Variants in BABAM2 observed in about 807,000 individuals in gnomAD.
The protein encoded by BABAM2 is BRISC and BRCA1-A complex member 2.
A neutral mutation model predicts 54.7 loss-of-function variants in BABAM2; 31 were observed. The ratio of observed to expected loss-of-function variants is 0.57; its 90% CI spans 0.43 to 0.77. BABAM2 has a LOEUF of 0.77. Among genes scored for constraint, BABAM2 ranks in the 30% least tolerant of loss-of-function variants. The pLI, the probability that BABAM2 is intolerant of heterozygous loss-of-function variation, is 0.00. For missense variants in BABAM2, 364 were observed against 455.8 expected (o/e 0.80, Z 1.83); for synonymous variants, 167 against 162.9 (o/e 1.03, Z -0.19).
At chr2:27,983,230 T>C (rs942645504) in intron 3 of BABAM2, among the ~76,000 whole-genome samples, 2 of 151,976 alleles carry the variant, frequency 1.3e-5, no homozygotes, top group Non-Finnish European at 2.9e-5. Flanking sequence ...GAAAATACTT[T>C]TTTGCCCCAT....
At chr2:28,206,953 T>C (rs1484203471) in intron 7 of BABAM2, among the ~76,000 whole-genome samples, 2 of 152,238 alleles carry the variant, frequency 1.3e-5, no homozygotes, top group Non-Finnish European at 2.9e-5. Flanking sequence ...CTTTGAGTGC[T>C]GGCTGTGTGC....
At chr2:28,056,055 T>C (rs10189562) in intron 6 of BABAM2, among the ~76,000 whole-genome samples, 150,343 of 152,246 alleles carry the variant, frequency 0.99, 74,249 homozygotes, top group East Asian at 1. Flanking sequence ...CAAATATATG[T>C]GGAGAACAAT....
At chr2:27,945,386 C>T (rs1264698698) in intron 3 of BABAM2, among the ~76,000 whole-genome samples, 1 of 152,020 alleles carries the variant, frequency 6.6e-6, no homozygotes, top group Non-Finnish European at 1.5e-5. Flanking sequence ...GGGTCTATTT[C>T]TGGACTTTAT....
At chr2:28,220,383 A>G (rs908568814) in intron 7 of BABAM2, among the ~76,000 whole-genome samples, 7 of 152,202 alleles carry the variant, frequency 4.6e-5, no homozygotes, top group Admixed American at 6.5e-5. Context: ...CTCATGGAAA[A>G]TGTTCATTAT....
chr2:28,171,943 A>C (rs905808586), intron 7 of BABAM2, among the ~76,000 whole-genome samples: 1 of 152,214 alleles, frequency 6.6e-6, no homozygotes, highest in Non-Finnish European at 1.5e-5. Context: ...TTTTAGAACA[A>C]AGGACTTTCT....
At chr2:28,127,845 T>C (rs7575982) in intron 6 of BABAM2, among the ~76,000 whole-genome samples, 145,852 of 148,460 alleles carry the variant, frequency 0.98, 71,694 homozygotes, top group Middle Eastern at 1. Flanking sequence ...CTCGCTCTGT[T>C]GCCCAGGCTG....
At chr2:27,997,233 C>G (rs1228096768) in intron 4 of BABAM2, among the ~76,000 whole-genome samples, 2 of 152,018 alleles carry the variant, frequency 1.3e-5, no homozygotes, top group Non-Finnish European at 2.9e-5. Flanking sequence ...AGAAATAAAG[C>G]ATTGTTAACA....
intron 7 of BABAM2, among the ~76,000 whole-genome samples, chr2:28,206,788 T>C (rs1183873934): frequency 6.6e-6 from 1 of 152,208 alleles, no homozygotes; most frequent in East Asian, 1.9e-4. Flanking sequence ...CTACGAACGC[T>C]GTGTGATTTT....
chr2:28,331,789 T>A (rs1439760462), intron 11 of BABAM2, among the ~76,000 whole-genome samples: 1 of 152,156 alleles, frequency 6.6e-6, no homozygotes, highest in Admixed American at 6.5e-5. Context: ...ACCAGAAATA[T>A]CATTTGACCC....
intron 7 of BABAM2, among the ~76,000 whole-genome samples, chr2:28,224,633 G>A (rs1276420369): frequency 6.6e-6 from 1 of 152,040 alleles, no homozygotes; most frequent in Non-Finnish European, 1.5e-5. Context: ...AAAACTGAAC[G>A]TTTGGCCCAT....
chr2:28,136,426 G>GC (rs1223861123), intron 7 of BABAM2, among the ~76,000 whole-genome samples: 2 of 152,358 alleles, frequency 1.3e-5, no homozygotes, highest in Non-Finnish European at 2.9e-5. Flanking sequence ...GGCCAGGCTG[G>GC]CCCTAGCCAG....
At chr2:28,268,394 A>G (rs1030018356) in intron 10 of BABAM2, among the ~76,000 whole-genome samples, 3 of 152,162 alleles carry the variant, frequency 2.0e-5, no homozygotes, top group African/African-American at 4.8e-5. Flanking sequence ...AGAGAGAGGG[A>G]TGGCAAGGTC....
chr2:28,012,114 T>A (rs1241905492), intron 4 of BABAM2, among the ~76,000 whole-genome samples: 6 of 152,178 alleles, frequency 3.9e-5, no homozygotes, highest in African/African-American at 1.4e-4. Flanking sequence ...ACACATTAAC[T>A]TAAAATAAGC....
At chr2:28,319,186 G>A (rs1689814197) in intron 11 of BABAM2, among the ~76,000 whole-genome samples, 1 of 152,230 alleles carries the variant, frequency 6.6e-6, no homozygotes, top group Non-Finnish European at 1.5e-5. Flanking sequence ...CCATGTTAGT[G>A]CACCAGATGT....
intron 11 of BABAM2, among the ~76,000 whole-genome samples, chr2:28,326,104 G>T (rs1486303674): frequency 6.6e-6 from 1 of 152,188 alleles, no homozygotes; most frequent in Non-Finnish European, 1.5e-5. Context: ...TGGGTCCCTG[G>T]GCACTTCCTC....
Position 28,075,851 on chromosome 2 carries a change from C to T in BABAM2, c.570+30052C>T, listed in dbSNP as rs1189229619. On this transcript the variant is annotated intron_variant, in intron 6 of 11. Transcript: ENST00000379624. ...GAGAGACTCTGTACTTCCACATTGT[C>T]TCATGTATTTTTTCTTTCCTTTGTA... Among the ~76,000 whole-genome samples the T allele has an allele frequency of 2.0e-5, 3 of 152,114 alleles. No individual in the cohort carries two copies. The East Asian group carries it at 5.8e-4, about 29-fold the overall frequency.
chr2:28,212,221 A>G (rs1679528472), intron 7 of BABAM2, among the ~76,000 whole-genome samples: 1 of 152,194 alleles, frequency 6.6e-6, no homozygotes, highest in African/African-American at 2.4e-5. Context: ...AAATATAAAC[A>G]TTTTACAAAT....
chr2:27,931,908 A>G (rs1156472993), intron 3 of BABAM2, among the ~76,000 whole-genome samples: 1 of 151,450 alleles, frequency 6.6e-6, no homozygotes, highest in Non-Finnish European at 1.5e-5. Flanking sequence ...TTCCTTTTGC[A>G]TTTTCAAGAT....
intron 10 of BABAM2, among the ~76,000 whole-genome samples, chr2:28,262,523 G>A (rs1165170945): frequency 6.6e-6 from 1 of 152,026 alleles, no homozygotes. Flanking sequence ...TGGAAAAACT[G>A]TGATTGATCC....
Sources: allele counts gnomAD v4.1 joint callset (sites outside exome capture counted in the v4.1 genomes callset), GRCh38; gene constraint gnomAD v4.1.1; transcripts MANE v1.5; gene names NCBI Gene and HGNC (gene_info 2026-07-23, HGNC 2026-07-21).